OSBPL1A: variants seen among roughly 807,000 people sequenced by gnomAD.
The protein encoded by OSBPL1A is oxysterol-binding protein-related protein 1.
A neutral mutation model predicts 137.1 loss-of-function variants in OSBPL1A; 80 were observed. That is an observed-to-expected ratio of 0.58 (90% CI 0.49 to 0.70). The LOEUF (loss-of-function observed/expected upper bound fraction) is 0.70. OSBPL1A is among the 30% of genes least tolerant of loss of function. The probability of loss-of-function intolerance (pLI) is 0.00; values close to 1 mark genes in which losing one functional copy is unlikely to be tolerated. For synonymous variants in OSBPL1A, 365 were observed against 389.7 expected, an observed-to-expected ratio of 0.94 and a Z score of 0.75; for missense variants, 970 against 1,129.4, an observed-to-expected ratio of 0.86 and a Z score of 2.02.
intron 14 of OSBPL1A, among the ~76,000 whole-genome samples, chr18:24,299,585 C>A (rs1215107465): frequency 6.6e-6 from 1 of 152,126 alleles, no homozygotes; most frequent in Non-Finnish European, 1.5e-5. Context: ...AAAGACAGGA[C>A]CCCAATCCCT....
At chr18:24,317,280 A>T in intron 10 of OSBPL1A, 47 bp downstream of exon 10, 5 of 1,609,224 alleles carry the variant, frequency 3.1e-6, no homozygotes, top group Non-Finnish European at 4.3e-6. Flanking sequence ...TCGTATTTCA[A>T]AATTTATACA....
intron 14 of OSBPL1A, among the ~76,000 whole-genome samples, chr18:24,289,659 G>A (rs1469648774): frequency 6.6e-6 from 1 of 152,050 alleles, no homozygotes; most frequent in Non-Finnish European, 1.5e-5. Flanking sequence ...GACCTCAGGT[G>A]ATCTGCCGCC....
intron 17 of OSBPL1A, among the ~76,000 whole-genome samples, chr18:24,202,483 C>T (rs1026483356): frequency 1.3e-5 from 2 of 152,208 alleles, no homozygotes; most frequent in African/African-American, 4.8e-5. Flanking sequence ...TTGTGTATTA[C>T]AGATATTTCA....
At chr18:24,390,993 G>A (rs763936931) in intron 1 of OSBPL1A, among the ~76,000 whole-genome samples, 5 of 152,068 alleles carry the variant, frequency 3.3e-5, no homozygotes, top group Admixed American at 6.5e-5. Context: ...CCAGCTACTG[G>A]GGAGACTGAA....
chr18:24,192,853 A>AT (rs1327594200), intron 18 of OSBPL1A, among the ~76,000 whole-genome samples: 8 of 152,230 alleles, frequency 5.3e-5, no homozygotes, highest in African/African-American at 1.9e-4. Context: ...CCATAAAATG[A>AT]TATCATCATA....
Position 24,344,244 on chromosome 18 carries a change from G to A in OSBPL1A, c.283-2586C>T, listed in dbSNP as rs2091311661. ...GCAGACGGATCACTTGAGGCCAGGG[G>A]TTTGAGACCAGCCTGGCCAACCTGG... On this transcript the variant is annotated intron_variant, in intron 4 of 27. Coordinates refer to ENST00000319481, the MANE Select transcript of OSBPL1A (RefSeq NM_080597.4). 2.6e-5 allele frequency among the ~76,000 whole-genome samples: 4 copies of A among 152,192 alleles called. No homozygotes were observed. The East Asian group carries it at 7.7e-4, about 29-fold the overall frequency.
chr18:24,360,576 C>T (rs2091606329), intron 4 of OSBPL1A, among the ~76,000 whole-genome samples: 1 of 152,182 alleles, frequency 6.6e-6, no homozygotes, highest in African/African-American at 2.4e-5. Context: ...TCTAAGACAA[C>T]AGATAACAAA....
intron 13 of OSBPL1A, among the ~76,000 whole-genome samples, chr18:24,310,243 A>G (rs1382012034): frequency 6.6e-6 from 1 of 151,810 alleles, no homozygotes; most frequent in Non-Finnish European, 1.5e-5. Context: ...TAAGGAATAA[A>G]CTGAAAGATA....
chr18:24,388,047 G>C (rs1259316496), intron 1 of OSBPL1A, among the ~76,000 whole-genome samples: 1 of 152,082 alleles, frequency 6.6e-6, no homozygotes, highest in Non-Finnish European at 1.5e-5. Context: ...CTTACACTAG[G>C]AGAACTTTTA....
chr18:24,163,200 G>C lies in OSBPL1A; in HGVS notation c.2832C>G (p.Phe944Leu). Reference protein sequence around the residue: ...YSGSYWDRNYFNLPDIY With the variant: ...YSGSYWDRNYLNLPDIY ...CATTTTAATAAATGTCAGGCAAATT[G>C]AAGTAATTTCTGTCCCAGTAGCTGC... The change falls in exon 28 of 28, where the codon TTC (phenylalanine) becomes TTG (leucine). Residue 944 changes from phenylalanine (F) to leucine (L), a missense_variant. Transcript: ENST00000319481. 6.2e-7 allele frequency: 1 copy of C among 1,611,136 alleles called. No homozygotes were observed. Among genetic ancestry groups the C allele is most frequent in the Non-Finnish European group, 8.5e-7 (1 of 1,177,572 alleles).
At chr18:24,328,497 A>G (rs2091020067) in intron 7 of OSBPL1A, among the ~76,000 whole-genome samples, 1 of 152,122 alleles carries the variant, frequency 6.6e-6, no homozygotes, top group Admixed American at 6.5e-5. Context: ...CTCCTCCATG[A>G]ACCTGTATCT....
rs977055665 is a variant in OSBPL1A at position 24,312,172 on chromosome 18, A to G, written c.970-66T>C. 5.1e-6 allele frequency: 8 copies of G among 1,573,206 alleles called. No homozygotes were observed. In the Admixed American group the frequency reaches 8.8e-5, roughly 17 times the overall value. On this transcript the variant is annotated intron_variant, in intron 12 of 27. Coordinates refer to ENST00000319481, the MANE Select transcript of OSBPL1A (RefSeq NM_080597.4). ...TTTATTCCAAAGAGATAATATTACA[A>G]TGATCTGATAAGCATAAAATTTACC... is the stretch of plus-strand genomic sequence containing the variant.
At chr18:24,376,756 C>CCAGCG (rs1277853893) in intron 2 of OSBPL1A, among the ~76,000 whole-genome samples, 1 of 152,238 alleles carries the variant, frequency 6.6e-6, no homozygotes, top group Non-Finnish European at 1.5e-5. Flanking sequence ...GGTGAGAGAT[C>CCAGCG]CAGCGCAGCG....
At chr18:24,310,975 C>T (rs1012154997) in intron 13 of OSBPL1A, among the ~76,000 whole-genome samples, 3 of 152,062 alleles carry the variant, frequency 2.0e-5, no homozygotes, top group Non-Finnish European at 2.9e-5. Context: ...GTTCACTGAT[C>T]TGAAAATTTT....
At chr18:24,265,646 G>A (rs1431899610) in intron 15 of OSBPL1A, among the ~76,000 whole-genome samples, 1 of 152,168 alleles carries the variant, frequency 6.6e-6, no homozygotes, top group Non-Finnish European at 1.5e-5. Context: ...AAGGCCCAGT[G>A]TCCTGAATGT....
intron 1 of OSBPL1A, among the ~76,000 whole-genome samples, chr18:24,387,388 G>A (rs979744724): frequency 3.0e-4 from 46 of 151,770 alleles, no homozygotes; most frequent in African/African-American, 1.0e-3. Flanking sequence ...ATACTTTCCC[G>A]GTGGCTCTAA....
chr18:24,232,259 G>C (rs1234606095), intron 16 of OSBPL1A, among the ~76,000 whole-genome samples: 2 of 152,166 alleles, frequency 1.3e-5, no homozygotes, highest in African/African-American at 2.4e-5. Context: ...TGAAAACCGG[G>C]ATGAGTCCAG....
intron 18 of OSBPL1A, among the ~76,000 whole-genome samples, chr18:24,182,603 CA>C (rs1296611071): frequency 1.3e-5 from 2 of 152,088 alleles, no homozygotes; most frequent in Admixed American, 1.3e-4. Context: ...GGAGCGCAAT[CA>C]AAGAAAATAA....
intron 14 of OSBPL1A, among the ~76,000 whole-genome samples, chr18:24,293,455 C>CAAGTCCGAGGGCCAAG (rs2090226372): frequency 6.6e-6 from 1 of 152,170 alleles, no homozygotes; most frequent in South Asian, 2.1e-4. Context: ...AATCCAATCA[C>CAAGTCCGAGGGCCAAG]AAGTCCGAGG....
Sources: gnomAD v4.1 joint callset for allele counts (sites outside exome capture counted in the v4.1 genomes callset) on GRCh38, gnomAD v4.1.1 for gene constraint, MANE v1.5 for transcripts, NCBI Gene and HGNC (gene_info 2026-07-23, HGNC 2026-07-21) for gene names.